OPHN1: variants seen among roughly 807,000 people sequenced by gnomAD.
The protein encoded by OPHN1 is oligophrenin 1, also known as oligophrenin-1.
Under a neutral mutation model 60.7 loss-of-function variants are expected in OPHN1, and 11 were observed. That is an observed-to-expected ratio of 0.18 (90% CI 0.11 to 0.30). OPHN1 has a LOEUF of 0.30. Ranked by LOEUF, OPHN1 falls within the 10% of genes least tolerant of loss-of-function variation. The pLI is 1.00. For synonymous variants in OPHN1, 226 were observed against 222.6 expected, an observed-to-expected ratio of 1.02 and a Z score of -0.14; for missense variants, 449 against 611.0, an observed-to-expected ratio of 0.73 and a Z score of 2.80.
At chrX:68,152,824 C>T (rs200142368) in intron 15 of OPHN1, among the ~76,000 whole-genome samples, 2 of 111,579 alleles carry the variant, frequency 1.8e-5, no homozygotes, top group East Asian at 2.8e-4. Context: ...AGTAAACATG[C>T]TCATGTTGAC....
chrX:68,129,256 A>T (rs1343165115), intron 15 of OPHN1, among the ~76,000 whole-genome samples: 1 of 111,424 alleles, frequency 9.0e-6, no homozygotes, highest in African/African-American at 3.3e-5. Flanking sequence ...ACCACTTAAG[A>T]GGTGCACTGG....
chrX:68,127,397 A>T (rs764186051), intron 15 of OPHN1, among the ~76,000 whole-genome samples: 8 of 111,936 alleles, frequency 7.1e-5, no homozygotes, highest in African/African-American at 1.9e-4. Flanking sequence ...TCTTTTTTTT[A>T]AAAAAGAATA....
chrX:68,406,145 C>CA (rs746893958), intron 2 of OPHN1, among the ~76,000 whole-genome samples: 1,047 of 83,334 alleles, frequency 0.013, 16 homozygotes, highest in African/African-American at 0.04. Context: ...AAGAATCTGT[C>CA]AAAAAAAAAA....
chrX:68,414,282 C>T (rs1297528924), intron 2 of OPHN1, among the ~76,000 whole-genome samples: 3 of 111,352 alleles, frequency 2.7e-5, no homozygotes, highest in African/African-American at 9.8e-5. Flanking sequence ...ATACCAATAC[C>T]TTATTGGTGA....
intron 15 of OPHN1, among the ~76,000 whole-genome samples, chrX:68,191,717 G>A (rs1434743208): frequency 8.9e-6 from 1 of 111,912 alleles, no homozygotes; most frequent in Non-Finnish European, 1.9e-5. Flanking sequence ...AACTCAAGCT[G>A]AGCATGGAAG....
At chrX:68,175,360 G>A (rs1470105092) in intron 15 of OPHN1, among the ~76,000 whole-genome samples, 1 of 111,176 alleles carries the variant, frequency 9.0e-6, no homozygotes, top group African/African-American at 3.3e-5. Flanking sequence ...TTTATAATAT[G>A]TGTGGTGGGA....
chrX:68,152,849 A>G (rs765535503), intron 15 of OPHN1, among the ~76,000 whole-genome samples: 9 of 111,666 alleles, frequency 8.1e-5, no homozygotes, highest in Non-Finnish European at 1.5e-4. Context: ...TGAAGAATGT[A>G]CATGTATAGA....
At chrX:68,306,562 T>A (rs1266693192) in intron 2 of OPHN1, among the ~76,000 whole-genome samples, 2 of 112,125 alleles carry the variant, frequency 1.8e-5, no homozygotes, top group Non-Finnish European at 3.8e-5. Context: ...GCTTTTCTTA[T>A]CCATAATCTC....
intron 2 of OPHN1, among the ~76,000 whole-genome samples, chrX:68,302,941 A>G (rs7880835): frequency 9.0e-6 from 1 of 111,131 alleles, no homozygotes; most frequent in Non-Finnish European, 1.9e-5. Flanking sequence ...TAAAAATTTT[A>G]AAAAAGAAAG....
At chrX:68,415,219 T>C (rs1283244909) in intron 2 of OPHN1, among the ~76,000 whole-genome samples, 4 of 112,056 alleles carry the variant, frequency 3.6e-5, no homozygotes, top group Non-Finnish European at 7.5e-5. Context: ...TAGCTAGATT[T>C]TGGAGGCCAG....
intron 15 of OPHN1, among the ~76,000 whole-genome samples, chrX:68,152,273 T>C (rs752079953): frequency 9.1e-6 from 1 of 109,994 alleles, no homozygotes; most frequent in African/African-American, 3.3e-5. Context: ...TACAAACACG[T>C]CCTTCTCTTT....
intron 6 of OPHN1, among the ~76,000 whole-genome samples, chrX:68,220,440 C>G (rs1421857422): frequency 9.0e-6 from 1 of 110,781 alleles, no homozygotes; most frequent in African/African-American, 3.3e-5. Flanking sequence ...ATGAGGCCAG[C>G]ATCATTCTGA....
chrX:68,255,219 C>A (rs1167174370), intron 5 of OPHN1, among the ~76,000 whole-genome samples: 2 of 109,494 alleles, frequency 1.8e-5, no homozygotes, highest in Non-Finnish European at 3.8e-5. Context: ...CTTACCCATA[C>A]ATATATATGA....
At chrX:68,326,954 G>A (rs2078264708) in intron 2 of OPHN1, among the ~76,000 whole-genome samples, 1 of 25,238 alleles carries the variant, frequency 4.0e-5, no homozygotes, top group Non-Finnish European at 5.5e-5. Context: ...GAGGTGAGGG[G>A]CGCCTCTGCC....
intron 19 of OPHN1, among the ~76,000 whole-genome samples, chrX:68,092,526 T>G (rs2077022555): frequency 8.9e-6 from 1 of 112,198 alleles, no homozygotes; most frequent in African/African-American, 3.2e-5. Context: ...TTGGAAAACA[T>G]GGTCAGCGTA....
intron 15 of OPHN1, among the ~76,000 whole-genome samples, chrX:68,176,973 CAT>C (rs59326514): frequency 0.17 from 16,726 of 98,923 alleles, 1,087 homozygotes; most frequent in African/African-American, 0.21. Context: ...TTTATATATA[CAT>C]ATATATATAT....
Position 68,113,107 on chromosome X carries a change from C to T in OPHN1, c.1420+74G>A, listed in dbSNP as rs889147600. 5.8e-5 allele frequency: 54 copies of T among 937,054 alleles called. No individual in the cohort carries two copies. In the East Asian group the frequency reaches 1.3e-3, roughly 23 times the overall value. The allele number at this position is 937,054 out of a possible 1,213,427, so 77.2% of individuals were successfully genotyped here. On this transcript the variant is annotated intron_variant, in intron 17 of 24. Coordinates refer to ENST00000355520, the MANE Select transcript of OPHN1 (RefSeq NM_002547.3). ...GTGCCCTCAATCACTTCCCCTCAAA[C>T]AATTTTCTAGGCTTATTGCAGTAAA...
At chrX:68,311,093 C>T (rs1434005223) in intron 2 of OPHN1, among the ~76,000 whole-genome samples, 1 of 106,682 alleles carries the variant, frequency 9.4e-6, no homozygotes, top group African/African-American at 3.7e-5. Context: ...TGTCTCTACC[C>T]CTTCAAAAAA....
At chrX:68,340,106 A>G (rs2078343898) in intron 2 of OPHN1, among the ~76,000 whole-genome samples, 1 of 112,370 alleles carries the variant, frequency 8.9e-6, no homozygotes. Context: ...ATGTATCAGA[A>G]CACCTAATGT....
Sources: allele counts gnomAD v4.1 joint callset (sites outside exome capture counted in the v4.1 genomes callset), GRCh38; gene constraint gnomAD v4.1.1; transcripts MANE v1.5; gene names NCBI Gene and HGNC (gene_info 2026-07-23, HGNC 2026-07-21).